LDLRAD3: variants seen among roughly 807,000 people sequenced by gnomAD.
LDLRAD3 encodes the protein low-density lipoprotein receptor class A domain-containing protein 3.
In LDLRAD3, 20 loss-of-function variants were observed where a neutral mutation model predicts 29.4. The observed-to-expected ratio is 0.68, with a 90% confidence interval of 0.48 to 0.99. LDLRAD3 has a LOEUF of 0.99. Among genes scored for constraint, LDLRAD3 ranks in the 50% least tolerant of loss-of-function variants. The pLI is 0.00. For missense variants in LDLRAD3, 420 were observed against 454.3 expected, an observed-to-expected ratio of 0.92 and a Z score of 0.69; for synonymous variants, 157 against 192.7, an observed-to-expected ratio of 0.81 and a Z score of 1.53.
chr11:36,080,996 G>GT (rs112967875), intron 2 of LDLRAD3, among the ~76,000 whole-genome samples: 6,070 of 152,220 alleles, frequency 0.04, 293 homozygotes, highest in African/African-American at 0.11. Context: ...GAAAGCAGGG[G>GT]TGTTCAGTGT....
chr11:36,178,139 C>T (rs1430100387), intron 4 of LDLRAD3, among the ~76,000 whole-genome samples: 3 of 152,170 alleles, frequency 2.0e-5, no homozygotes, highest in Non-Finnish European at 4.4e-5. Context: ...AGTCCTGCCT[C>T]CTCACCACCA....
chr11:36,073,757 G>C (rs551389466), intron 2 of LDLRAD3, among the ~76,000 whole-genome samples: 5 of 152,360 alleles, frequency 3.3e-5, no homozygotes, highest in Admixed American at 3.3e-4. Flanking sequence ...GGGTGCAAGG[G>C]CAGGGCCAAA....
intron 2 of LDLRAD3, among the ~76,000 whole-genome samples, chr11:36,038,971 C>CTTTT (rs67593168): frequency 2.9e-5 from 3 of 102,470 alleles, no homozygotes; most frequent in East Asian, 2.8e-4. Flanking sequence ...AAATTTCTTT[C>CTTTT]TTTTTTTTTT....
At chr11:36,219,559 G>C (rs1409367190) in intron 4 of LDLRAD3, among the ~76,000 whole-genome samples, 2 of 152,156 alleles carry the variant, frequency 1.3e-5, no homozygotes, top group Non-Finnish European at 2.9e-5. Flanking sequence ...AGAGAGGATA[G>C]GCTTTTCAAC....
intron 1 of LDLRAD3, among the ~76,000 whole-genome samples, chr11:35,972,169 T>C (rs1049583082): frequency 1.3e-5 from 2 of 151,916 alleles, no homozygotes; most frequent in African/African-American, 4.8e-5. Context: ...AGCACAAAAC[T>C]CTGTGAAACC....
rs566396898 is a variant in LDLRAD3, at chr11:36,224,876, CCTT to C, written c.455-2205_455-2203del. Among the ~76,000 whole-genome samples the C allele has an allele frequency of 5.0e-4, 76 of 152,314 alleles. 1 individual carries two copies. The South Asian group carries it at 9.3e-3, about 19-fold the overall frequency. On this transcript the variant is annotated intron_variant, in intron 4 of 5. Coordinates refer to ENST00000315571, the MANE Select transcript of LDLRAD3 (RefSeq NM_174902.4). ...AGATTCTAGTCCTGTTCCTCTGCCT[CCTT>C]CTTAGGTGATGTTAGACAAAATAAT...
intron 3 of LDLRAD3, among the ~76,000 whole-genome samples, chr11:36,097,192 C>A (rs1321748597): frequency 2.0e-5 from 3 of 152,194 alleles, no homozygotes; most frequent in Non-Finnish European, 2.9e-5. Flanking sequence ...AAAATGCTCA[C>A]TGACCAACTA....
chr11:35,968,044 C>T (rs188941667), intron 1 of LDLRAD3: 15 of 464,234 alleles, frequency 3.2e-5, no homozygotes, highest in African/African-American at 2.4e-4. Flanking sequence ...AATTCACCAA[C>T]CCCAATTTTT....
At chr11:36,223,961 C>G (rs1855463807) in intron 4 of LDLRAD3, among the ~76,000 whole-genome samples, 1 of 151,654 alleles carries the variant, frequency 6.6e-6, no homozygotes, top group African/African-American at 2.4e-5. Context: ...GATGGATGCA[C>G]TATAACATGT....
intron 4 of LDLRAD3, among the ~76,000 whole-genome samples, chr11:36,186,384 G>A (rs1235753206): frequency 1.3e-5 from 2 of 152,184 alleles, no homozygotes; most frequent in Non-Finnish European, 2.9e-5. Context: ...CTATAAAATA[G>A]TCTTCTCTTG....
chr11:36,045,386 G>A (rs11033387), intron 2 of LDLRAD3, among the ~76,000 whole-genome samples: 31,641 of 152,076 alleles, frequency 0.21, 3,433 homozygotes, highest in Non-Finnish European at 0.24. Context: ...CCACAAACTG[G>A]GTGGCTTAGA....
intron 4 of LDLRAD3, among the ~76,000 whole-genome samples, chr11:36,103,019 G>C (rs1049393642): frequency 6.6e-6 from 1 of 152,054 alleles, no homozygotes; most frequent in African/African-American, 2.4e-5. Flanking sequence ...TTAACCGTTT[G>C]TAAGTATACA....
At chr11:36,182,973 A>G (rs895873292) in intron 4 of LDLRAD3, among the ~76,000 whole-genome samples, 10 of 152,240 alleles carry the variant, frequency 6.6e-5, no homozygotes, top group Admixed American at 1.3e-4. Flanking sequence ...TTGTCTTTGA[A>G]GAAGCACAAG....
intron 1 of LDLRAD3, among the ~76,000 whole-genome samples, chr11:36,004,393 A>G (rs1169943631): frequency 6.6e-6 from 1 of 152,194 alleles, no homozygotes; most frequent in Non-Finnish European, 1.5e-5. Context: ...TAAAGCTCCA[A>G]AATGATCCCC....
At chr11:36,090,482 C>T (rs1404440815) in intron 3 of LDLRAD3, among the ~76,000 whole-genome samples, 1 of 152,132 alleles carries the variant, frequency 6.6e-6, no homozygotes, top group African/African-American at 2.4e-5. Flanking sequence ...GTTTAGGGAG[C>T]TATCCACAGA....
chr11:36,051,117 G>A (rs1447174694), intron 2 of LDLRAD3, among the ~76,000 whole-genome samples: 1 of 152,190 alleles, frequency 6.6e-6, no homozygotes, highest in Non-Finnish European at 1.5e-5. Flanking sequence ...ATTGCAGGGT[G>A]GAAGGACTTT....
At chr11:36,164,326 C>T (rs969123778) in intron 4 of LDLRAD3, among the ~76,000 whole-genome samples, 1 of 152,190 alleles carries the variant, frequency 6.6e-6, no homozygotes, top group Admixed American at 6.5e-5. Flanking sequence ...TAAAATTGAA[C>T]AAGAGTCAGC....
At chr11:36,034,716 A>G (rs1168474698) in intron 1 of LDLRAD3, among the ~76,000 whole-genome samples, 1 of 152,210 alleles carries the variant, frequency 6.6e-6, no homozygotes, top group African/African-American at 2.4e-5. Context: ...CAGTGGTACT[A>G]TCACCAGACT....
intron 4 of LDLRAD3, among the ~76,000 whole-genome samples, chr11:36,162,158 CGTG>C (rs1854449823): frequency 6.6e-6 from 1 of 152,100 alleles, no homozygotes; most frequent in South Asian, 2.1e-4. Flanking sequence ...AAATTCCTGG[CGTG>C]GTATTTTTAA....
Sources: gnomAD v4.1 joint callset for allele counts (sites outside exome capture counted in the v4.1 genomes callset) on GRCh38, gnomAD v4.1.1 for gene constraint, MANE v1.5 for transcripts, NCBI Gene and HGNC (gene_info 2026-07-23, HGNC 2026-07-21) for gene names.